TFF3: variants seen among roughly 807,000 people sequenced by gnomAD.
The protein encoded by TFF3 is trefoil factor 3, also known as polypeptide P1.B.
Under a neutral mutation model 9.7 loss-of-function variants are expected in TFF3, and 6 were observed. That is an observed-to-expected ratio of 0.62 (90% CI 0.34 to 1.22). TFF3 has a LOEUF of 1.22. Among genes scored for constraint, TFF3 ranks in the 50% most tolerant of loss-of-function variants. The probability of loss-of-function intolerance (pLI) is 0.04; values close to 1 mark genes in which losing one functional copy is unlikely to be tolerated. For synonymous variants in TFF3, 48 were observed against 41.4 expected (o/e 1.16, Z -0.61); for missense variants, 93 against 98.6 (o/e 0.94, Z 0.24).
chr21:42,315,328 A>G lies in TFF3; in HGVS notation c.47T>C (p.Leu16Pro). 6.2e-7 allele frequency: 1 copy of G among 1,614,110 alleles called. No individual in the cohort carries two copies. Among genetic ancestry groups the G allele is most frequent in the Non-Finnish European group, 8.5e-7 (1 of 1,180,008 alleles). ...GTACTCCTCAGCAGAGCTGGAGGACAGCAAGGCCAGGACCAGCCCCAGCAT... is the reference window on the plus strand; with the variant it reads ...GTACTCCTCAGCAGAGCTGGAGGACGGCAAGGCCAGGACCAGCCCCAGCAT... ...LCMLGLVLAL[L>P]SSSSAEEYVG... Residue 16 changes from leucine (L) to proline (P), a missense_variant, in exon 1 of 3, where the codon CTG (leucine) becomes CCG (proline). Leu to Pro is a moderately conservative substitution (Grantham distance 98). Coordinates refer to ENST00000518498, the MANE Select transcript of TFF3 (RefSeq NM_003226.4).
In TFF3 at chr21:42,313,733, C is replaced by T; in HGVS notation, c.83-102G>A. The T allele has an allele frequency of 1.4e-6, 2 of 1,384,974 alleles. No individual in the cohort carries two copies. The highest frequency in any genetic ancestry group is 1.9e-6 in the Non-Finnish European group (2 of 1,044,042). The allele number at this position is 1,384,974 out of a possible 1,614,324, so 85.8% of individuals were successfully genotyped here. A position where few individuals can be genotyped will look rare whatever the true frequency, so the allele number is the denominator to read the frequency against. ...TTTGCATCCTCCCGCTCCGCCCCACCCCGCCGAGTTCAACCACTGCTGAAA... is the reference window on the plus strand; with the variant it reads ...TTTGCATCCTCCCGCTCCGCCCCACTCCGCCGAGTTCAACCACTGCTGAAA... On this transcript the variant is annotated intron_variant, in intron 1 of 2. Transcript: ENST00000518498. This position sits in a 1 kb window ranked among gnomAD's most constrained non-coding sequence, Gnocchi z 4.0.
At position 42,313,932 on chromosome 21, in the gene TFF3, C is replaced by A. The variant is rs547470126; in HGVS notation, c.83-301G>T. Among the ~76,000 whole-genome samples the A allele has an allele frequency of 5.3e-5, 8 of 152,282 alleles. No homozygotes were observed. The East Asian group carries it at 5.8e-4, about 11-fold the overall frequency. ...CTGGGTACCTTCCAGCTGGCAGGAA[C>A]CCCTGGGGAATCTGGGGTCCCTTGA... On this transcript the variant is annotated intron_variant, in intron 1 of 2. Coordinates refer to ENST00000518498, the MANE Select transcript of TFF3 (RefSeq NM_003226.4). The surrounding 1 kb of genome is among the most constrained non-coding windows in gnomAD (Gnocchi z 4.0).
rs925959862 is a variant in TFF3, at chr21:42,313,089, G to T, written c.229+396C>A. Among the ~76,000 whole-genome samples the T allele has an allele frequency of 6.6e-6, 1 of 152,098 alleles. No individual in the cohort carries two copies. Among genetic ancestry groups the T allele is most frequent in the East Asian group, 1.9e-4 (1 of 5,180 alleles). The stretch of plus-strand genomic sequence containing the variant: ...AGGCCTGACGTCTAGGGCTGGGACC[G>T]CCTGCCGTCTGTGTAGGGGATGCCA... On this transcript the variant is annotated intron_variant, in intron 2 of 2. Transcript: ENST00000518498. This position sits in a 1 kb window ranked among gnomAD's most constrained non-coding sequence, Gnocchi z 4.0.
chr21:42,312,299 A>G, intron 2 of TFF3, 30 bp from the exon 3 acceptor site: 2 of 1,580,250 alleles, frequency 1.3e-6, no homozygotes, highest in Non-Finnish European at 1.7e-6. Flanking sequence ...TTGTGTGAGC[A>G]GTCTCTCTCC....
intron 1 of TFF3, among the ~76,000 whole-genome samples, chr21:42,314,045 G>A (rs889504329): frequency 1.3e-5 from 2 of 152,140 alleles, no homozygotes; most frequent in Non-Finnish European, 2.9e-5. Context: ...AGAGGCACAC[G>A]CCATAGAGAT....
chr21:42,311,741 G>A lies in TFF3; in HGVS notation c.*515C>T, dbSNP rs1347513302. 4.0e-6 allele frequency: 1 copy of A among 247,832 alleles called. No individual in the cohort carries two copies. The highest frequency in any genetic ancestry group is 2.3e-5 in the African/African-American group (1 of 43,560). The allele number at this position is 247,832 out of a possible 1,614,324, so 15.4% of individuals were successfully genotyped here. A position where few individuals can be genotyped will look rare whatever the true frequency, so the allele number is the denominator to read the frequency against. ...TAGTACAAGTATTGAACAGTAGCGA[G>A]AGTGGTTGTGAAATAAAGGACCACT... On this transcript the variant is annotated 3_prime_UTR_variant, in exon 3 of 3. Transcript: ENST00000518498.
chr21:42,315,221 G>A, intron 1 of TFF3, 72 bp downstream of exon 1: 1 of 1,536,816 alleles, frequency 6.5e-7, no homozygotes, highest in Non-Finnish European at 8.7e-7. Context: ...AATGAATGCA[G>A]AATCCCCCCT....
In TFF3 at chr21:42,313,981, AT is replaced by A. The variant is rs1275318740; in HGVS notation, c.83-351del. Among the ~76,000 whole-genome samples the A allele has an allele frequency of 6.6e-6, 1 of 152,174 alleles. No individual in the cohort carries two copies. Among genetic ancestry groups the A allele is most frequent in the Non-Finnish European group, 1.5e-5 (1 of 68,024 alleles). ...GAACCCAGAAACAAAGTTACCCTTC[AT>A]TGTTTGACCAACAAAACCTTGCCCC... On this transcript the variant is annotated intron_variant, in intron 1 of 2. Transcript: ENST00000518498. This position sits in a 1 kb window ranked among gnomAD's most constrained non-coding sequence, Gnocchi z 4.0.
At position 42,312,224 on chromosome 21, in the gene TFF3, G is replaced by A. The variant is rs775372093; in HGVS notation, c.*32C>T. 10 of 1,613,602 alleles carry A rather than the reference G, an allele frequency of 6.2e-6. No individual in the cohort carries two copies. The highest frequency in any genetic ancestry group is 6.8e-6 in the Non-Finnish European group (8 of 1,179,864). ...GCCGGGCAAGGGTGCTCCGAGCCTC[G>A]CATCCCCCGGCCGGGGGCAGCTGGA... On this transcript the variant is annotated 3_prime_UTR_variant, in exon 3 of 3. Coordinates refer to ENST00000518498, the MANE Select transcript of TFF3 (RefSeq NM_003226.4).
rs757208983 is a variant in TFF3, at chr21:42,315,381, C to T, written c.-7G>A. ...AGAGCGCTCTGGCAGCCATGACCACCGTGGGCTCCGGGACGCAGCTCAGGA... is the reference window on the plus strand; with the variant it reads ...AGAGCGCTCTGGCAGCCATGACCACTGTGGGCTCCGGGACGCAGCTCAGGA... On this transcript the variant is annotated 5_prime_UTR_variant, in exon 1 of 3. Coordinates refer to ENST00000518498, the MANE Select transcript of TFF3 (RefSeq NM_003226.4). The T allele has an allele frequency of 8.7e-6, 14 of 1,614,144 alleles. No individual in the cohort carries two copies. Among genetic ancestry groups the T allele is most frequent in the East Asian group, 4.5e-5 (2 of 44,872 alleles).
chr21:42,312,690 G>A (rs1569250610), intron 2 of TFF3, among the ~76,000 whole-genome samples: 1 of 152,160 alleles, frequency 6.6e-6, no homozygotes, highest in African/African-American at 2.4e-5. Context: ...TGATCAGGGA[G>A]CCGGGGCCAG....
At chr21:42,314,860 A>G (rs2069349878) in intron 1 of TFF3, among the ~76,000 whole-genome samples, 2 of 152,242 alleles carry the variant, frequency 1.3e-5, no homozygotes, top group African/African-American at 4.8e-5. Flanking sequence ...GCCACACCCC[A>G]TGGCAGGGTT....
At position 42,312,203 on chromosome 21, in the gene TFF3, G is replaced by A. The variant is rs1343169842; in HGVS notation, c.*53C>T. The stretch of plus-strand genomic sequence containing the variant: ...CAGTGCCTGGCAGCAATCACAGCCG[G>A]GCAAGGGTGCTCCGAGCCTCGCATC... On this transcript the variant is annotated 3_prime_UTR_variant, in exon 3 of 3. Transcript: ENST00000518498. 6.2e-7 allele frequency: 1 copy of A among 1,613,368 alleles called. No individual in the cohort carries two copies. Among genetic ancestry groups the A allele is most frequent in the Non-Finnish European group, 8.5e-7 (1 of 1,179,580 alleles).
In TFF3 at chr21:42,313,129, C is replaced by T. The variant is rs1038997540; in HGVS notation, c.229+356G>A. On this transcript the variant is annotated intron_variant, in intron 2 of 2. Coordinates refer to ENST00000518498, the MANE Select transcript of TFF3 (RefSeq NM_003226.4). The surrounding 1 kb of genome is among the most constrained non-coding windows in gnomAD (Gnocchi z 4.0). ...AGGGGATGCCACAAATGACAAGACT[C>T]TGGGGGGCCGATTTGCAAAAACAGC... 6.6e-6 allele frequency among the ~76,000 whole-genome samples: 1 copy of T among 152,150 alleles called. No homozygotes were observed. Among genetic ancestry groups the T allele is most frequent in the South Asian group, 2.1e-4 (1 of 4,836 alleles).
At chr21:42,312,643 G>A (rs9976749) in intron 2 of TFF3, among the ~76,000 whole-genome samples, 1,977 of 152,214 alleles carry the variant, frequency 0.013, 25 homozygotes, top group African/African-American at 0.023. Context: ...GACTTGCTGG[G>A]GAGGGTGAAG....
intron 2 of TFF3, among the ~76,000 whole-genome samples, chr21:42,312,999 G>A (rs550842563): frequency 1.6e-4 from 25 of 152,246 alleles, no homozygotes; most frequent in African/African-American, 2.2e-4. Flanking sequence ...CTCCACCACG[G>A]CAGAGAGAGG....
chr21:42,312,138 G>T lies in TFF3; in HGVS notation c.*118C>A, dbSNP rs749828252. On this transcript the variant is annotated 3_prime_UTR_variant, in exon 3 of 3. Transcript: ENST00000518498. ...CTCCAGATATGAACTTTCAGCAGAA[G>T]CGCTTGCCGGGAGCAAAGGGACAGA... The T allele has an allele frequency of 5.8e-6, 8 of 1,387,786 alleles. No individual in the cohort carries two copies. The highest frequency in any genetic ancestry group is 7.2e-6 in the Non-Finnish European group (7 of 973,676). The allele number at this position is 1,387,786 out of a possible 1,614,324, so 86.0% of individuals were successfully genotyped here.
chr21:42,315,265 C>A (rs762411878), intron 1 of TFF3, 28 bp downstream of exon 1: 291 of 1,599,044 alleles, frequency 1.8e-4, no homozygotes, highest in Non-Finnish European at 2.4e-4. Flanking sequence ...GCCCACCCTG[C>A]CACCGGGGCA....
At chr21:42,312,377 C>G (rs751787945) in intron 2 of TFF3, 108 bp from the exon 3 acceptor site, 15 of 1,353,516 alleles carry the variant, frequency 1.1e-5, no homozygotes, top group Non-Finnish European at 1.5e-5. Flanking sequence ...TGCCTCCTCC[C>G]CAGAGTCACC....
Sources: gnomAD v4.1 joint callset for allele counts (sites outside exome capture counted in the v4.1 genomes callset) on GRCh38, gnomAD v4.1.1 for gene constraint, Gnocchi (gnomAD v3.1) non-coding constraint, MANE v1.5 for transcripts, NCBI Gene and HGNC (gene_info 2026-07-23, HGNC 2026-07-21) for gene names.